Variants in CNTNAP4 observed in about 807,000 individuals in gnomAD.
CNTNAP4 encodes contactin-associated protein-like 4.
A neutral mutation model predicts 148.4 loss-of-function variants in CNTNAP4; 98 were observed. The ratio of observed to expected loss-of-function variants is 0.66; its 90% CI spans 0.56 to 0.78. CNTNAP4 has a LOEUF of 0.78. Ranked by LOEUF, CNTNAP4 falls within the 30% of genes least tolerant of loss-of-function variation. The probability of loss-of-function intolerance (pLI) is 0.00; values close to 1 mark genes in which losing one functional copy is unlikely to be tolerated. For synonymous variants in CNTNAP4, 730 were observed against 565.1 expected (o/e 1.29, Z -4.14); for missense variants, 1,935 against 1,565.6 (o/e 1.24, Z -3.98).
At position 76,560,412 on chromosome 16, in the gene CNTNAP4, G is replaced by A. The variant is rs1020542746; in HGVS notation, c.*1729G>A. Among the ~76,000 whole-genome samples the A allele has an allele frequency of 6.6e-6, 1 of 152,188 alleles. No individual in the cohort carries two copies. Among genetic ancestry groups the A allele is most frequent in the Non-Finnish European group, 1.5e-5 (1 of 68,024 alleles). On this transcript the variant is annotated 3_prime_UTR_variant, in exon 24 of 24. Transcript: ENST00000611870. ...AGTTTACGAAGGACTAAGGACCTATGTTGGTAGATGGTATACTCTTTGTTT... is the reference window on the plus strand; with the variant it reads ...AGTTTACGAAGGACTAAGGACCTATATTGGTAGATGGTATACTCTTTGTTT...
At chr16:76,448,257 G>A in intron 5 of CNTNAP4, 42 bp downstream of exon 5, 1 of 1,395,564 alleles carries the variant, frequency 7.2e-7, no homozygotes, top group South Asian at 1.2e-5. Flanking sequence ...TGATTATTTA[G>A]ATATCACCTA....
intron 3 of CNTNAP4, among the ~76,000 whole-genome samples, chr16:76,364,586 CTG>C (rs1281509857): frequency 6.6e-6 from 1 of 152,178 alleles, no homozygotes; most frequent in Non-Finnish European, 1.5e-5. Context: ...GGCTGCGATA[CTG>C]TGTCTTAGAC....
At chr16:76,353,043 C>T (rs1401884028) in intron 2 of CNTNAP4, among the ~76,000 whole-genome samples, 3 of 152,062 alleles carry the variant, frequency 2.0e-5, no homozygotes, top group Non-Finnish European at 2.9e-5. Context: ...TATTGGTGTA[C>T]AACGAAACTG....
At chr16:76,499,503 T>A (rs988459213) in intron 15 of CNTNAP4, among the ~76,000 whole-genome samples, 9 of 152,072 alleles carry the variant, frequency 5.9e-5, no homozygotes, top group Non-Finnish European at 1.0e-4. Flanking sequence ...CGCTGTTTAT[T>A]TCTATAGAGC....
At chr16:76,350,299 C>T (rs774037158) in intron 2 of CNTNAP4, among the ~76,000 whole-genome samples, 1 of 152,026 alleles carries the variant, frequency 6.6e-6, no homozygotes, top group Non-Finnish European at 1.5e-5. Flanking sequence ...AAAGTATTTG[C>T]ATAGTATTGG....
At chr16:76,304,892 T>A (rs575301283) in intron 1 of CNTNAP4, among the ~76,000 whole-genome samples, 2 of 152,302 alleles carry the variant, frequency 1.3e-5, no homozygotes, top group East Asian at 3.9e-4. Flanking sequence ...TAGACTTTTT[T>A]ACTCAATCTC....
intron 1 of CNTNAP4, chr16:76,309,755 A>T (rs529041703): frequency 1.6e-5 from 11 of 671,886 alleles, no homozygotes; most frequent in African/African-American, 1.2e-4. Flanking sequence ...GTTTGGGCGG[A>T]GGGGGTGGTC....
chr16:76,357,203 A>C (rs1201808685), intron 3 of CNTNAP4, among the ~76,000 whole-genome samples: 9 of 152,242 alleles, frequency 5.9e-5, no homozygotes, highest in Non-Finnish European at 5.9e-5. Context: ...ATATTTATTT[A>C]ACTAGATGTT....
chr16:76,436,196 C>T (rs2079819674), intron 4 of CNTNAP4, among the ~76,000 whole-genome samples: 1 of 151,998 alleles, frequency 6.6e-6, no homozygotes, highest in Admixed American at 6.6e-5. Flanking sequence ...TCTCCTCAGA[C>T]AAAGGTGGAA....
At chr16:76,475,911 T>C (rs1388000007) in intron 10 of CNTNAP4, 28 bp from the exon 11 acceptor site, 2 of 1,518,232 alleles carry the variant, frequency 1.3e-6, no homozygotes, top group Non-Finnish European at 1.8e-6. Context: ...AAATGGAAAC[T>C]GGTGATTGTA....
intron 3 of CNTNAP4, among the ~76,000 whole-genome samples, chr16:76,393,312 A>T (rs565050992): frequency 6.6e-6 from 1 of 152,330 alleles, no homozygotes; most frequent in African/African-American, 2.4e-5. Context: ...ATATCCCAAG[A>T]TGGGAATGGT....
intron 1 of CNTNAP4, among the ~76,000 whole-genome samples, chr16:76,310,761 G>A (rs1961011478): frequency 6.6e-6 from 1 of 151,934 alleles, no homozygotes; most frequent in African/African-American, 2.4e-5. Context: ...ACTACTCAGT[G>A]GCAACTAAGC....
intron 3 of CNTNAP4, among the ~76,000 whole-genome samples, chr16:76,396,923 A>T (rs2078223293): frequency 6.6e-6 from 1 of 152,192 alleles, no homozygotes; most frequent in Non-Finnish European, 1.5e-5. Flanking sequence ...AAGTAAATAC[A>T]CAAGAAACAA....
intron 3 of CNTNAP4, among the ~76,000 whole-genome samples, chr16:76,363,154 C>T (rs1248832612): frequency 6.6e-6 from 1 of 151,174 alleles, no homozygotes; most frequent in Non-Finnish European, 1.5e-5. Flanking sequence ...GAAATTAAAC[C>T]CTTATCTTTT....
intron 2 of CNTNAP4, among the ~76,000 whole-genome samples, chr16:76,319,534 G>A (rs558224549): frequency 1.3e-5 from 2 of 152,254 alleles, no homozygotes; most frequent in African/African-American, 2.4e-5. Flanking sequence ...CCCAAATACC[G>A]ATGAAGGTGA....
At chr16:76,318,954 G>C (rs566388846) in intron 2 of CNTNAP4, among the ~76,000 whole-genome samples, 9 of 152,034 alleles carry the variant, frequency 5.9e-5, no homozygotes, top group African/African-American at 2.2e-4. Context: ...CTTTCCTACA[G>C]AATTATGAAA....
At chr16:76,463,375 A>G (rs1224665037) in intron 9 of CNTNAP4, among the ~76,000 whole-genome samples, 1 of 152,242 alleles carries the variant, frequency 6.6e-6, no homozygotes, top group African/African-American at 2.4e-5. Flanking sequence ...TTCTTCACAT[A>G]TTTTATGTCC....
At position 76,427,430 on chromosome 16, in the gene CNTNAP4, G is replaced by A. The variant is rs1166883125; in HGVS notation, c.391-22G>A. 1.9e-6 allele frequency: 3 copies of A among 1,594,756 alleles called. No homozygotes were observed. The African/African-American group carries it at 4.1e-5, about 22-fold the overall frequency. ...GGATGTTCTCCAGATACATTGATGTGCTTCTTTCCCTTTTCTTTTAGGGTT... is the reference window on the plus strand; with the variant it reads ...GGATGTTCTCCAGATACATTGATGTACTTCTTTCCCTTTTCTTTTAGGGTT... On this transcript the variant is annotated intron_variant, in intron 3 of 23. Coordinates refer to ENST00000611870, the MANE Select transcript of CNTNAP4 (RefSeq NM_033401.5).
intron 1 of CNTNAP4, among the ~76,000 whole-genome samples, chr16:76,304,332 A>G (rs1960267616): frequency 6.6e-6 from 1 of 152,132 alleles, no homozygotes; most frequent in Non-Finnish European, 1.5e-5. Context: ...GTAACCTGAT[A>G]TTGATCTTCC....
Sources: gnomAD v4.1 joint callset for allele counts (sites outside exome capture counted in the v4.1 genomes callset) on GRCh38, gnomAD v4.1.1 for gene constraint, MANE v1.5 for transcripts, NCBI Gene and HGNC (gene_info 2026-07-23, HGNC 2026-07-21) for gene names.